The following PPP4R1 variants were observed in gnomAD, a reference collection of about 807,000 sequenced individuals.
PPP4R1 encodes the protein serine/threonine-protein phosphatase 4 regulatory subunit 1.
In PPP4R1, 42 loss-of-function variants were observed where a neutral mutation model predicts 111.2. The ratio of observed to expected loss-of-function variants is 0.38; its 90% CI spans 0.29 to 0.49. PPP4R1 has a LOEUF of 0.49. PPP4R1 is among the 20% of genes least tolerant of loss of function. PPP4R1 has a pLI of 0.97. For synonymous variants in PPP4R1, 409 were observed against 405.5 expected, an observed-to-expected ratio of 1.01 and a Z score of -0.10; for missense variants, 1,012 against 1,161.6, an observed-to-expected ratio of 0.87 and a Z score of 1.87.
chr18:9,607,360 C>CAA (rs34996836), intron 2 of PPP4R1, among the ~76,000 whole-genome samples: 59 of 138,968 alleles, frequency 4.2e-4, no homozygotes, highest in East Asian at 1.4e-3. Context: ...GACCCTGTCT[C>CAA]AAAAAAAAAA....
intron 11 of PPP4R1, among the ~76,000 whole-genome samples, chr18:9,564,753 C>CTGG (rs2066738414): frequency 6.8e-6 from 1 of 146,348 alleles, no homozygotes; most frequent in African/African-American, 2.5e-5. Flanking sequence ...TATCATCCCC[C>CTGG]ATCCATTCTG....
At chr18:9,567,691 T>A (rs868746582) in intron 11 of PPP4R1, among the ~76,000 whole-genome samples, 1 of 152,218 alleles carries the variant, frequency 6.6e-6, no homozygotes, top group Non-Finnish European at 1.5e-5. Context: ...GAAGACTGAC[T>A]CTAATTTTTA....
At chr18:9,548,724 C>A (rs1942991059) in intron 19 of PPP4R1, among the ~76,000 whole-genome samples, 1 of 152,124 alleles carries the variant, frequency 6.6e-6, no homozygotes, top group Non-Finnish European at 1.5e-5. Flanking sequence ...CGAGACCGGC[C>A]TGGCCAACAT....
At chr18:9,583,405 T>C (rs1351371248) in intron 8 of PPP4R1, 130 bp from the exon 9 acceptor site, 24 of 989,968 alleles carry the variant, frequency 2.4e-5, no homozygotes, top group Non-Finnish European at 3.3e-5. Flanking sequence ...CTCACTCTTT[T>C]GCCCAGGCTG....
At chr18:9,590,991 T>C (rs2067201805) in intron 4 of PPP4R1, among the ~76,000 whole-genome samples, 1 of 152,038 alleles carries the variant, frequency 6.6e-6, no homozygotes, top group Non-Finnish European at 1.5e-5. Flanking sequence ...GCAGAATGAA[T>C]TCCTGTAAAT....
At chr18:9,593,703 A>T in intron 4 of PPP4R1, 65 bp downstream of exon 4, 1 of 1,408,670 alleles carries the variant, frequency 7.1e-7, no homozygotes, top group Non-Finnish European at 9.9e-7. Flanking sequence ...ATTAGTTTTT[A>T]GAAACACAAA....
chr18:9,606,327 G>A (rs1282625068), intron 2 of PPP4R1, among the ~76,000 whole-genome samples: 1 of 152,146 alleles, frequency 6.6e-6, no homozygotes. Flanking sequence ...AATTTTATTG[G>A]ATGACACTTA....
intron 2 of PPP4R1, among the ~76,000 whole-genome samples, chr18:9,601,741 C>A (rs2067386930): frequency 6.6e-6 from 1 of 152,034 alleles, no homozygotes; most frequent in Non-Finnish European, 1.5e-5. Context: ...GATCCGCCCG[C>A]CCTGGCCTCC....
At chr18:9,559,369 C>A in intron 14 of PPP4R1, 50 bp downstream of exon 14, 1 of 1,503,194 alleles carries the variant, frequency 6.7e-7, no homozygotes, top group Non-Finnish European at 9.0e-7. Context: ...AAGCAAAGCA[C>A]TGTGCCTTCC....
At position 9,614,516 on chromosome 18, in the gene PPP4R1, G is replaced by C. The variant is rs1598977771; in HGVS notation, c.-32C>G. 2 of 1,015,350 alleles carry C rather than the reference G, an allele frequency of 2.0e-6. No homozygotes were observed. The highest frequency in any genetic ancestry group is 8.7e-5 in the East Asian group (1 of 11,560). 62.9% of individuals were successfully genotyped at this position (1,015,350 alleles called of 1,614,324 possible). Reference sequence around the variant, plus strand: ...GTCGCCCCCTCCTCCGCGGCCGCCCGGGGAGCCGGGGCTACATGGAGCGGC... The same window carrying C: ...GTCGCCCCCTCCTCCGCGGCCGCCCCGGGAGCCGGGGCTACATGGAGCGGC... On this transcript the variant is annotated 5_prime_UTR_variant, in exon 1 of 20. Coordinates refer to ENST00000400556, the MANE Select transcript of PPP4R1 (RefSeq NM_001042388.3). This position sits in a 1 kb window ranked among gnomAD's most constrained non-coding sequence, Gnocchi z 4.1.
At chr18:9,565,670 G>A (rs1468223922) in intron 11 of PPP4R1, among the ~76,000 whole-genome samples, 4 of 152,234 alleles carry the variant, frequency 2.6e-5, no homozygotes, top group Non-Finnish European at 4.4e-5. Flanking sequence ...CTCTTAAGCC[G>A]AAGTCTAACT....
chr18:9,553,725 T>C (rs1195416566), intron 15 of PPP4R1, among the ~76,000 whole-genome samples: 1 of 152,254 alleles, frequency 6.6e-6, no homozygotes, highest in Non-Finnish European at 1.5e-5. Flanking sequence ...TTTATTCATA[T>C]GACATCCTTG....
At position 9,547,791 on chromosome 18, in the gene PPP4R1, A is replaced by G. The variant is rs747908606; in HGVS notation, c.2851T>C (p.Ter951GlnextTer3). 6.2e-7 allele frequency: 1 copy of G among 1,612,552 alleles called. No homozygotes were observed. The highest frequency in any genetic ancestry group is 8.5e-7 in the Non-Finnish European group (1 of 1,179,794). The change falls in exon 20 of 20, where the codon TAG (stop) becomes CAG (glutamine). Residue 951 changes from the stop codon to glutamine, a stop_lost. Coordinates refer to ENST00000400556, the MANE Select transcript of PPP4R1 (RefSeq NM_001042388.3). ...AAAGACACCGAGATTCAAGCCTTCT[A>G]GTAGGTTGAGGACGCTGTGCTCATG... ...DAMSTASSTY* is the reference protein window; with the variant it reads ...DAMSTASSTYQ
rs1480152316 is a variant in PPP4R1 at position 9,587,890 on chromosome 18, A to AT, written c.585+198dup. On this transcript the variant is annotated intron_variant, in intron 6 of 19. Coordinates refer to ENST00000400556, the MANE Select transcript of PPP4R1 (RefSeq NM_001042388.3). ...ACCACCATGCCTGGCTAATTTTTGT[A>AT]TTTTTTTGGCAGAGCCAGGTGTCAC... 2.0e-5 allele frequency among the ~76,000 whole-genome samples: 3 copies of AT among 149,240 alleles called. 1 individual carries two copies. Among genetic ancestry groups the AT allele is most frequent in the Non-Finnish European group, 4.4e-5 (3 of 67,456 alleles).
Position 9,549,242 on chromosome 18 carries a change from G to C in PPP4R1, c.2644C>G (p.Arg882Gly). 6.2e-7 allele frequency: 1 copy of C among 1,613,936 alleles called. No individual in the cohort carries two copies. Among genetic ancestry groups the C allele is most frequent in the Non-Finnish European group, 8.5e-7 (1 of 1,179,858 alleles). The change falls in exon 19 of 20, where the codon CGA (arginine) becomes GGA (glycine). Residue 882 changes from arginine to glycine, a missense_variant. By Grantham distance (125) the Arg-to-Gly change is moderately radical. Transcript: ENST00000400556. ...CTTAATGTCTTTGCAAGCAGCACTC[G>C]CACGTTAGGAACCCTGTCATTTGCT... ...TLANDRVPNV[R>G]VLLAKTLRQT...
intron 10 of PPP4R1, among the ~76,000 whole-genome samples, chr18:9,575,640 T>C (rs2066924092): frequency 6.6e-6 from 1 of 152,220 alleles, no homozygotes; most frequent in African/African-American, 2.4e-5. Flanking sequence ...TAAATAGCTA[T>C]TGCAGTAATG....
intron 10 of PPP4R1, among the ~76,000 whole-genome samples, chr18:9,576,625 G>A (rs1019287513): frequency 6.6e-6 from 1 of 151,774 alleles, no homozygotes; most frequent in Non-Finnish European, 1.5e-5. Flanking sequence ...TAAATTATTT[G>A]ACAGAAAAGG....
At position 9,548,058 on chromosome 18, in the gene PPP4R1, CAAACAAGCCACACTG is replaced by C. The variant is rs2066427624; in HGVS notation, c.2690-121_2690-107del. 4 of 1,146,880 alleles carry C rather than the reference CAAACAAGCCACACTG, an allele frequency of 3.5e-6. No individual in the cohort carries two copies. The African/African-American group carries it at 6.2e-5, about 18-fold the overall frequency. 71.0% of individuals were successfully genotyped at this position (1,146,880 alleles called of 1,614,324 possible). Reference sequence around the variant, plus strand: ...GTTAAACTGGGTATTTCTACAAGTACAAACAAGCCACACTGAAACATAAACAGTAATCCAAACTGA... The same window carrying C: ...GTTAAACTGGGTATTTCTACAAGTACAAACATAAACAGTAATCCAAACTGA... On this transcript the variant is annotated intron_variant, in intron 19 of 19. Transcript: ENST00000400556.
Position 9,570,558 on chromosome 18 carries a change from G to T in PPP4R1, c.1172C>A (p.Ser391Tyr), listed in dbSNP as rs1568100206. 1 of 1,614,052 alleles carries T rather than the reference G, an allele frequency of 6.2e-7. No homozygotes were observed. The highest frequency in any genetic ancestry group is 8.5e-7 in the Non-Finnish European group (1 of 1,180,036). The change falls in exon 11 of 20, where the codon TCC becomes TAC. Residue 391 changes from serine to tyrosine, a missense_variant. By Grantham distance (144) the Ser-to-Tyr change is moderately radical. Transcript: ENST00000400556. ...NTMEDHAAEA[S>Y]GKPLGEISVP... ...ACTAATTTCACCTAGAGGCTTCCCG[G>T]ATGCCTCAGCAGCATGGTCTTCCAT...
Sources: gnomAD v4.1 joint callset for allele counts (sites outside exome capture counted in the v4.1 genomes callset) on GRCh38, gnomAD v4.1.1 for gene constraint, Gnocchi (gnomAD v3.1) non-coding constraint, MANE v1.5 for transcripts, NCBI Gene and HGNC (gene_info 2026-07-23, HGNC 2026-07-21) for gene names.